Variants in RORA observed in about 807,000 individuals in gnomAD.
RORA encodes nuclear receptor ROR-alpha.
Under a neutral mutation model 69.5 loss-of-function variants are expected in RORA, and 7 were observed. That is an observed-to-expected ratio of 0.10 (90% CI 0.06 to 0.19). The LOEUF is 0.19. Among genes scored for constraint, RORA ranks in the 10% least tolerant of loss-of-function variants. RORA has a pLI of 1.00. For missense variants in RORA, 457 were observed against 663.0 expected (o/e 0.69, Z 3.41); for synonymous variants, 261 against 240.8 (o/e 1.08, Z -0.78).
At chr15:60,506,891 G>A (rs2065522446) in intron 5 of RORA, among the ~76,000 whole-genome samples, 1 of 152,034 alleles carries the variant, frequency 6.6e-6, no homozygotes, top group Admixed American at 6.6e-5. Context: ...GGAGGCTGAA[G>A]CAGGAGAATC....
chr15:60,500,910 T>C, intron 9 of RORA, 49 bp downstream of exon 9: 1 of 1,082,224 alleles, frequency 9.2e-7, no homozygotes, highest in Non-Finnish European at 1.4e-6. Context: ...AAAAATTCTT[T>C]ATCTTAGACA....
intron 1 of RORA, among the ~76,000 whole-genome samples, chr15:61,025,054 G>A (rs892429181): frequency 2.6e-5 from 4 of 152,104 alleles, no homozygotes; most frequent in South Asian, 2.1e-4. Context: ...TAAGATCTCC[G>A]AAGTTTTAGG....
chr15:61,170,534 C>T (rs1031208515), intron 1 of RORA, among the ~76,000 whole-genome samples: 3 of 152,208 alleles, frequency 2.0e-5, no homozygotes, highest in Non-Finnish European at 4.4e-5. Flanking sequence ...ATCGCATGTG[C>T]AAGGTCGCTT....
At chr15:60,711,917 CT>C (rs1181242675) in intron 1 of RORA, among the ~76,000 whole-genome samples, 1 of 152,160 alleles carries the variant, frequency 6.6e-6, no homozygotes, top group East Asian at 1.9e-4. Flanking sequence ...CACAGTCACC[CT>C]CAAGATGTTA....
intron 1 of RORA, among the ~76,000 whole-genome samples, chr15:60,819,033 A>G (rs1350605244): frequency 6.6e-6 from 1 of 152,208 alleles, no homozygotes; most frequent in Non-Finnish European, 1.5e-5. Flanking sequence ...AGCAGCCCAG[A>G]CCATTACTGA....
chr15:60,726,272 G>A (rs1260427811), intron 1 of RORA, among the ~76,000 whole-genome samples: 1 of 152,120 alleles, frequency 6.6e-6, no homozygotes, highest in East Asian at 1.9e-4. Flanking sequence ...GGAAATGAAG[G>A]TTAATAAGAG....
intron 1 of RORA, among the ~76,000 whole-genome samples, chr15:60,893,942 C>A (rs1214931904): frequency 6.6e-6 from 1 of 152,124 alleles, no homozygotes; most frequent in Non-Finnish European, 1.5e-5. Flanking sequence ...CTCTCAAGTC[C>A]CCCGTCTGGG....
chr15:60,947,685 C>CACTA (rs1892936197), intron 1 of RORA, among the ~76,000 whole-genome samples: 1 of 6,836 alleles, frequency 1.5e-4, no homozygotes. Context: ...CAAGAATGAT[C>CACTA]AATAAAAAAA....
intron 1 of RORA, among the ~76,000 whole-genome samples, chr15:60,936,594 A>G (rs996605164): frequency 2.0e-5 from 3 of 147,816 alleles, no homozygotes; most frequent in African/African-American, 7.3e-5. Context: ...ACAGTGCTCT[A>G]TCCACCCCTG....
At chr15:61,074,351 T>C (rs577043708) in intron 1 of RORA, among the ~76,000 whole-genome samples, 11 of 152,348 alleles carry the variant, frequency 7.2e-5, no homozygotes, top group Middle Eastern at 3.4e-3. Flanking sequence ...AAAGGAGTTA[T>C]ATAATTTAAA....
chr15:61,050,347 C>A (rs1897237122), intron 1 of RORA, among the ~76,000 whole-genome samples: 1 of 152,128 alleles, frequency 6.6e-6, no homozygotes, highest in Non-Finnish European at 1.5e-5. Flanking sequence ...AGTTTGGGAA[C>A]CTACTTCACT....
At chr15:60,747,469 T>A (rs551919612) in intron 1 of RORA, among the ~76,000 whole-genome samples, 105 of 152,340 alleles carry the variant, frequency 6.9e-4, no homozygotes, top group African/African-American at 2.3e-3. Flanking sequence ...TCTCTTTACT[T>A]AGCCTCGATC....
At chr15:60,925,015 G>A (rs899407289) in intron 1 of RORA, among the ~76,000 whole-genome samples, 1 of 151,886 alleles carries the variant, frequency 6.6e-6, no homozygotes, top group Non-Finnish European at 1.5e-5. Context: ...GGAGGCAGAG[G>A]TTGCAGTGAG....
chr15:60,705,551 A>T (rs181699409), intron 1 of RORA, among the ~76,000 whole-genome samples: 2 of 152,312 alleles, frequency 1.3e-5, no homozygotes, highest in Admixed American at 1.3e-4. Context: ...TTACTATGCA[A>T]TTATGATAAA....
intron 1 of RORA, among the ~76,000 whole-genome samples, chr15:61,132,518 C>A (rs982491920): frequency 1.6e-4 from 24 of 151,962 alleles, no homozygotes; most frequent in African/African-American, 5.8e-4. Context: ...TTATAGTAAT[C>A]ACAAGATACT....
intron 1 of RORA, among the ~76,000 whole-genome samples, chr15:61,137,087 G>GAAAGAAAGAA (rs2079251860): frequency 1.4e-5 from 2 of 145,326 alleles, no homozygotes; most frequent in Admixed American, 1.4e-4. Flanking sequence ...AAGAAAGAAA[G>GAAAGAAAGAA]AAAGAAAGAA....
At chr15:61,110,662 T>G (rs528359291) in intron 1 of RORA, among the ~76,000 whole-genome samples, 15 of 152,206 alleles carry the variant, frequency 9.9e-5, no homozygotes, top group African/African-American at 3.6e-4. Context: ...GGACAAGATG[T>G]GGGTGTGGAA....
intron 1 of RORA, among the ~76,000 whole-genome samples, chr15:60,801,935 C>T (rs17270452): frequency 0.023 from 3,453 of 152,238 alleles, 44 homozygotes; most frequent in Non-Finnish European, 0.032. Flanking sequence ...TTTGACATTG[C>T]AACCACGTTA....
rs1269175342 is a variant in RORA, at chr15:60,491,072, G to A, written c.*6383C>T. 2 of 152,178 alleles carry A rather than the reference G, an allele frequency of 1.3e-5. No individual in the cohort carries two copies. The highest frequency in any genetic ancestry group is 4.8e-5 in the African/African-American group (2 of 41,468). The allele number at this position is 152,178 out of a possible 1,614,324, so 9.4% of individuals were successfully genotyped here. ...ACTGTTTAATATGAGATTTCAAACT[G>A]TGTGGATAACAGGAGAATTTTGGAT... is the stretch of plus-strand genomic sequence containing the variant. On this transcript the variant is annotated 3_prime_UTR_variant, in exon 11 of 11. Coordinates refer to ENST00000335670, the MANE Select transcript of RORA (RefSeq NM_134261.3).
Sources: gnomAD v4.1 joint callset for allele counts (sites outside exome capture counted in the v4.1 genomes callset) on GRCh38, gnomAD v4.1.1 for gene constraint, MANE v1.5 for transcripts, NCBI Gene and HGNC (gene_info 2026-07-23, HGNC 2026-07-21) for gene names.